Variants in RBFOX1 observed in about 807,000 individuals in gnomAD.
RBFOX1 encodes the protein RNA binding protein fox-1 homolog 1.
RBFOX1 carries 8 observed loss-of-function variants against 57.7 expected under a neutral mutation model. The ratio of observed to expected loss-of-function variants is 0.14; its 90% CI spans 0.08 to 0.25. The LOEUF (loss-of-function observed/expected upper bound fraction) is 0.25, where lower values mean the gene tolerates loss of function less well. Among genes scored for constraint, RBFOX1 ranks in the 10% least tolerant of loss-of-function variants. The pLI is 1.00. For missense variants in RBFOX1, 611 were observed against 548.5 expected, an observed-to-expected ratio of 1.11 and a Z score of -1.14; for synonymous variants, 326 against 222.4, an observed-to-expected ratio of 1.47 and a Z score of -4.15.
chr16:6,566,107 G>T (rs747316838), intron 2 of RBFOX1, among the ~76,000 whole-genome samples: 16 of 152,166 alleles, frequency 1.1e-4, no homozygotes, highest in African/African-American at 3.9e-4. Flanking sequence ...AGTAATGTGT[G>T]TCATCACTGT....
At chr16:7,207,063 A>C (rs1162869159) in intron 4 of RBFOX1, among the ~76,000 whole-genome samples, 1 of 152,204 alleles carries the variant, frequency 6.6e-6, no homozygotes, top group Admixed American at 6.5e-5. Context: ...GAAATACCCT[A>C]CAGATGTGTA....
At chr16:7,137,470 TTC>T (rs2045520418) in intron 4 of RBFOX1, among the ~76,000 whole-genome samples, 1 of 152,178 alleles carries the variant, frequency 6.6e-6, no homozygotes, top group Non-Finnish European at 1.5e-5. Flanking sequence ...TTGGTTGTCA[TTC>T]TCTCTCTTGC....
chr16:6,859,426 G>A (rs117219761), intron 3 of RBFOX1, among the ~76,000 whole-genome samples: 1 of 151,668 alleles, frequency 6.6e-6, no homozygotes, highest in Non-Finnish European at 1.5e-5. Flanking sequence ...GATTTTACTT[G>A]TCAGCTCTCT....
chr16:6,949,940 T>TTTG (rs1253096093), intron 3 of RBFOX1, among the ~76,000 whole-genome samples: 19 of 144,176 alleles, frequency 1.3e-4, no homozygotes, highest in Admixed American at 4.8e-4. Flanking sequence ...AGTACGTTTT[T>TTTG]TTGTTGTTGT....
intron 2 of RBFOX1, among the ~76,000 whole-genome samples, chr16:6,386,201 C>T (rs1036056996): frequency 1.3e-5 from 2 of 152,182 alleles, no homozygotes; most frequent in African/African-American, 4.8e-5. Flanking sequence ...TCCCAAAGTG[C>T]TCGGATTACA....
chr16:7,428,243 T>C (rs1006430229), intron 4 of RBFOX1, among the ~76,000 whole-genome samples: 18 of 152,102 alleles, frequency 1.2e-4, no homozygotes, highest in Non-Finnish European at 2.4e-4. Context: ...AGCATTGCTA[T>C]TGGCATATCG....
At chr16:5,515,332 C>A (rs1292922901) in intron 2 of RBFOX1, among the ~76,000 whole-genome samples, 4 of 152,210 alleles carry the variant, frequency 2.6e-5, no homozygotes, top group African/African-American at 4.8e-5. Flanking sequence ...GCACCTGCTG[C>A]AAAGCCCCCA....
intron 1 of RBFOX1, among the ~76,000 whole-genome samples, chr16:6,087,755 C>A (rs1213443620): frequency 1.3e-5 from 2 of 151,896 alleles, no homozygotes; most frequent in African/African-American, 4.8e-5. Flanking sequence ...TGGGTTCAAG[C>A]AATTCTCCTG....
At chr16:6,694,619 G>C (rs1284193491) in intron 3 of RBFOX1, among the ~76,000 whole-genome samples, 1 of 152,148 alleles carries the variant, frequency 6.6e-6, no homozygotes, top group Non-Finnish European at 1.5e-5. Context: ...CCATCCCAAA[G>C]TTCTGCCTTA....
intron 3 of RBFOX1, among the ~76,000 whole-genome samples, chr16:6,780,871 C>G (rs1234339668): frequency 1.3e-5 from 2 of 151,918 alleles, no homozygotes; most frequent in Non-Finnish European, 2.9e-5. Flanking sequence ...GTTGTTTGAG[C>G]TCCTCACATG....
At chr16:6,340,934 C>T (rs529679044) in intron 2 of RBFOX1, among the ~76,000 whole-genome samples, 1 of 152,072 alleles carries the variant, frequency 6.6e-6, no homozygotes, top group African/African-American at 2.4e-5. Flanking sequence ...TGGGGGATCA[C>T]AAGCATTAGG....
intron 4 of RBFOX1, among the ~76,000 whole-genome samples, chr16:7,502,852 C>T (rs1192403899): frequency 6.6e-6 from 1 of 151,920 alleles, no homozygotes; most frequent in Non-Finnish European, 1.5e-5. Flanking sequence ...GTGAAACTCC[C>T]TGTCTACTAA....
intron 3 of RBFOX1, among the ~76,000 whole-genome samples, chr16:6,918,475 AAATT>A (rs2073751843): frequency 6.6e-6 from 1 of 152,130 alleles, no homozygotes; most frequent in Admixed American, 6.6e-5. Context: ...AAATCCAATC[AAATT>A]AATTGTTAAT....
At chr16:6,378,211 T>C (rs1354982229) in intron 2 of RBFOX1, among the ~76,000 whole-genome samples, 1 of 152,232 alleles carries the variant, frequency 6.6e-6, no homozygotes, top group Non-Finnish European at 1.5e-5. Flanking sequence ...CTCAGCTCCC[T>C]GCAGCCTTTG....
intron 1 of RBFOX1, among the ~76,000 whole-genome samples, chr16:5,341,831 G>T (rs1291035675): frequency 6.6e-6 from 1 of 152,194 alleles, no homozygotes; most frequent in African/African-American, 2.4e-5. Flanking sequence ...TTCGGACCAT[G>T]TTAAGTTTGA....
At chr16:5,401,968 C>G (rs1055993407) in intron 1 of RBFOX1, among the ~76,000 whole-genome samples, 10 of 148,508 alleles carry the variant, frequency 6.7e-5, no homozygotes, top group Non-Finnish European at 1.5e-4. Context: ...TGGTTGGAAA[C>G]AAAAGACACA....
At chr16:7,159,183 C>A (rs909849683) in intron 4 of RBFOX1, among the ~76,000 whole-genome samples, 2 of 152,054 alleles carry the variant, frequency 1.3e-5, no homozygotes, top group African/African-American at 4.8e-5. Flanking sequence ...CAAGTTGTTG[C>A]ATGTGCTAAT....
chr16:7,054,189 C>T (rs904899296), intron 4 of RBFOX1, among the ~76,000 whole-genome samples: 1 of 103,640 alleles, frequency 9.6e-6, no homozygotes, highest in Non-Finnish European at 1.7e-5. Flanking sequence ...AGAAAACTTC[C>T]CTTATTAAGG....
At chr16:6,885,090 C>T (rs1488907018) in intron 3 of RBFOX1, among the ~76,000 whole-genome samples, 1 of 152,148 alleles carries the variant, frequency 6.6e-6, no homozygotes, top group African/African-American at 2.4e-5. Context: ...AGAGACAGAT[C>T]AAACCAGGAC....
Sources: allele counts gnomAD v4.1 joint callset (sites outside exome capture counted in the v4.1 genomes callset), GRCh38; gene constraint gnomAD v4.1.1; transcripts MANE v1.5; gene names NCBI Gene and HGNC (gene_info 2026-07-23, HGNC 2026-07-21).